Variants in PELI3 observed in about 807,000 individuals in gnomAD.
PELI3 encodes the protein E3 ubiquitin-protein ligase pellino homolog 3.
PELI3 carries 19 observed loss-of-function variants against 35.5 expected under a neutral mutation model. That is an observed-to-expected ratio of 0.54 (90% CI 0.37 to 0.79). The LOEUF (loss-of-function observed/expected upper bound fraction) is 0.79, where lower values mean the gene tolerates loss of function less well. PELI3 is among the 30% of genes least tolerant of loss of function. PELI3 has a pLI of 0.00. For missense variants in PELI3, 490 were observed against 661.2 expected (o/e 0.74, Z 2.84); for synonymous variants, 262 against 279.2 (o/e 0.94, Z 0.62).
Position 66,475,867 on chromosome 11 carries a change from C to T in PELI3, c.1110C>T (p.Gly370=). The T allele has an allele frequency of 1.2e-6, 2 of 1,606,420 alleles. No homozygotes were observed. Among genetic ancestry groups the T allele is most frequent in the Non-Finnish European group, 1.7e-6 (2 of 1,177,514 alleles). Residue 370 remains glycine (G), a synonymous_variant, in exon 8 of 8, where the codon GGC becomes GGT. Coordinates refer to ENST00000320740, the MANE Select transcript of PELI3 (RefSeq NM_145065.3). ...VRCGHVHGYH[G]WGCRRERGPQ... is the part of the protein sequence containing the mutation. ...GCGGGCACGTCCATGGCTACCACGGCTGGGGCTGCCGGCGGGAGCGGGGCC... is the reference window on the plus strand; with the variant it reads ...GCGGGCACGTCCATGGCTACCACGGTTGGGGCTGCCGGCGGGAGCGGGGCC...
chr11:66,476,143 C>T lies in PELI3; in HGVS notation c.1386C>T (p.Leu462=). Residue 462 remains leucine (L), a synonymous_variant, in exon 8 of 8, where the codon CTC becomes CTT. Coordinates refer to ENST00000320740, the MANE Select transcript of PELI3 (RefSeq NM_145065.3). ...WLTGEHGCVR[L]IFQGPLD ...CCGGCGAGCATGGCTGCGTCCGCCT[C>T]ATTTTCCAGGGCCCGCTGGATTAGG... is the stretch of plus-strand genomic sequence containing the variant. 6.4e-7 allele frequency: 1 copy of T among 1,565,002 alleles called. No homozygotes were observed. The highest frequency in any genetic ancestry group is 8.6e-7 in the Non-Finnish European group (1 of 1,161,054).
At chr11:66,472,745 A>G (rs911496561) in intron 5 of PELI3, among the ~76,000 whole-genome samples, 1 of 152,300 alleles carries the variant, frequency 6.6e-6, no homozygotes, top group South Asian at 2.1e-4. Flanking sequence ...TTTTGGCTCC[A>G]TCACTTACCA....
intron 7 of PELI3, 72 bp from the exon 8 acceptor site, chr11:66,475,526 G>A: frequency 6.5e-7 from 1 of 1,530,332 alleles, no homozygotes; most frequent in Admixed American, 1.9e-5. Context: ...TCTCCAGGGA[G>A]GCTCTGTGGG....
chr11:66,469,040 G>A (rs756412208), intron 3 of PELI3, 136 bp downstream of exon 3: 161 of 540,230 alleles, frequency 3.0e-4, no homozygotes, highest in Non-Finnish European at 4.7e-4. Flanking sequence ...GTGATCTGGC[G>A]GCCTGGCCAA....
upstream of PELI3, chr11:66,466,761 G>C (rs1336718882): frequency 1.3e-5 from 2 of 151,774 alleles, no homozygotes; most frequent in African/African-American, 4.8e-5. Flanking sequence ...GCGGAGCTCC[G>C]CCTACGAAGG....
At position 66,476,065 on chromosome 11, in the gene PELI3, C is replaced by A. The variant is rs749185847; in HGVS notation, c.1308C>A (p.Pro436=). The change falls in exon 8 of 8, where the codon CCC becomes CCA. Residue 436 remains proline (P), a synonymous_variant. Coordinates refer to ENST00000320740, the MANE Select transcript of PELI3 (RefSeq NM_145065.3). ...GCTACTGGGCCCAGACACCACTGCC[C>A]CACGGCACCCATGCTTTCCATGCCG... ...TARYWAQTPL[P]HGTHAFHAAC... 1.2e-6 allele frequency: 2 copies of A among 1,609,814 alleles called. No homozygotes were observed. The highest frequency in any genetic ancestry group is 1.7e-6 in the Non-Finnish European group (2 of 1,179,376).
intron 7 of PELI3, chr11:66,474,435 T>G: frequency 3.5e-6 from 1 of 287,942 alleles, no homozygotes; most frequent in Non-Finnish European, 6.5e-6. Flanking sequence ...GAGCTGAGGT[T>G]AGGGACCGGG....
At chr11:66,466,876 G>C (rs1854544102), upstream of PELI3, 2 of 151,940 alleles carry the variant, frequency 1.3e-5, no homozygotes, top group African/African-American at 4.8e-5. Context: ...GTGGCTGTTC[G>C]CGCTCATCCC....
Position 66,470,843 on chromosome 11 carries a change from T to TA in PELI3, c.225-398dup, listed in dbSNP as rs1181239332. Among the ~76,000 whole-genome samples the TA allele has an allele frequency of 6.6e-5, 10 of 152,324 alleles. No individual in the cohort carries two copies. The East Asian group carries it at 1.9e-3, about 29-fold the overall frequency. On this transcript the variant is annotated intron_variant, in intron 3 of 7. Transcript: ENST00000320740. ...GAATTCCCTTTTCTTCCTCTAGGCT[T>TA]ATGGCATCCTTGGCTTGTGCCTGGG...
rs758268568 is a variant in PELI3 at position 66,471,326 on chromosome 11, G to A, written c.309G>A (p.Val103=). 2 of 1,614,046 alleles carry A rather than the reference G, an allele frequency of 1.2e-6. No individual in the cohort carries two copies. Among genetic ancestry groups the A allele is most frequent in the Non-Finnish European group, 1.7e-6 (2 of 1,179,996 alleles). Residue 103 remains valine (V), a synonymous_variant, in exon 4 of 8, where the codon GTG becomes GTA. Transcript: ENST00000320740. ...ALSRRSHANG[V]KPDVMHHIST... ...GCCGCCGGTCGCACGCCAACGGGGT[G>A]AAGCCAGACGTCATGCACCACATCT...
chr11:66,472,359 TC>T lies in PELI3; in HGVS notation c.355-6del. ...CACACCCTGGCAAGTGACTTTTTTC[TC>T]CCCACCAGGCACTGAGTAACCGTGG... On this transcript the variant is annotated splice_polypyrimidine_tract_variant and intron_variant, in intron 4 of 7. Transcript: ENST00000320740. 1 of 1,611,894 alleles carries T rather than the reference TC, an allele frequency of 6.2e-7. No homozygotes were observed. Among genetic ancestry groups the T allele is most frequent in the South Asian group, 1.1e-5 (1 of 91,002 alleles).
chr11:66,468,377 C>A, intron 2 of PELI3, 97 bp downstream of exon 2: 1 of 1,234,334 alleles, frequency 8.1e-7, no homozygotes, highest in Non-Finnish European at 1.1e-6. Flanking sequence ...ATAGGGCCTT[C>A]AGCTGTTTGT....
chr11:66,467,983 A>T lies in PELI3; in HGVS notation c.-1-145A>T. On this transcript the variant is annotated intron_variant, in intron 1 of 7. Coordinates refer to ENST00000320740, the MANE Select transcript of PELI3 (RefSeq NM_145065.3). This position sits in a 1 kb window ranked among gnomAD's most constrained non-coding sequence, Gnocchi z 4.2. Reference sequence around the variant, plus strand: ...CAACCTCGGGCAGTTTAGAGGAGGCAGAGGGGAAGTGGTTGCCATAGCAGT... The same window carrying T: ...CAACCTCGGGCAGTTTAGAGGAGGCTGAGGGGAAGTGGTTGCCATAGCAGT... 1 of 998,542 alleles carries T rather than the reference A, an allele frequency of 1.0e-6. No individual in the cohort carries two copies. Among genetic ancestry groups the T allele is most frequent in the Non-Finnish European group, 1.4e-6 (1 of 723,032 alleles). 61.9% of individuals were successfully genotyped at this position (998,542 alleles called of 1,614,324 possible).
chr11:66,473,273 C>G lies in PELI3; in HGVS notation c.489C>G (p.Phe163Leu), dbSNP rs754503996. ...GCTCCACAGAGAACATGATTGACTT[C>G]GTGGTAACAGACACGTCCCCTGGAG... ...IGRSTENMID[F>L]VVTDTSPGGG... Residue 163 changes from phenylalanine to leucine, a missense_variant, in exon 6 of 8, where the codon TTC becomes TTG. Coordinates refer to ENST00000320740, the MANE Select transcript of PELI3 (RefSeq NM_145065.3). The surrounding 1 kb of genome is among the most constrained non-coding windows in gnomAD (Gnocchi z 5.8). 8 of 1,612,876 alleles carry G rather than the reference C, an allele frequency of 5.0e-6. No homozygotes were observed. The Admixed American group carries it at 1.2e-4, about 24-fold the overall frequency.
intron 2 of PELI3, among the ~76,000 whole-genome samples, chr11:66,468,587 T>G (rs558838725): frequency 1.3e-5 from 2 of 152,312 alleles, no homozygotes; most frequent in African/African-American, 4.8e-5. Flanking sequence ...GAACTCTGGT[T>G]CTCCAGCAAA....
At chr11:66,475,536 G>T (rs1854876014) in intron 7 of PELI3, 62 bp from the exon 8 acceptor site, 1 of 1,567,008 alleles carries the variant, frequency 6.4e-7, no homozygotes, top group Non-Finnish European at 8.7e-7. Flanking sequence ...GGCTCTGTGG[G>T]ATGGACCCGC....
In PELI3 at chr11:66,469,268, T is replaced by C. The variant is rs1164219730; in HGVS notation, c.224+364T>C. On this transcript the variant is annotated intron_variant, in intron 3 of 7. Transcript: ENST00000320740. ...CATGCTTTAAAAAAAAAAAAAGCAG[T>C]AATAGTGAACACTTATCAAGGGCTT... is the stretch of plus-strand genomic sequence containing the variant. Among the ~76,000 whole-genome samples, 4 of 149,334 alleles carry C rather than the reference T, an allele frequency of 2.7e-5. No individual in the cohort carries two copies. In the East Asian group the frequency reaches 7.8e-4, roughly 29 times the overall value.
rs768507607 is a variant in PELI3, at chr11:66,468,912, G to C, written c.224+8G>C. On this transcript the variant is annotated splice_region_variant and intron_variant, in intron 3 of 7. Coordinates refer to ENST00000320740, the MANE Select transcript of PELI3 (RefSeq NM_145065.3). ...CCCAAGGGCACACAGCTGGTAAGTG[G>C]CAGGGCTGGGATTTGGACCCAGGTC... 2.6e-6 allele frequency: 2 copies of C among 757,796 alleles called. No homozygotes were observed. Among genetic ancestry groups the C allele is most frequent in the Non-Finnish European group, 4.9e-6 (2 of 405,762 alleles). 46.9% of individuals were successfully genotyped at this position (757,796 alleles called of 1,614,324 possible).
chr11:66,470,272 C>T (rs916093628), intron 3 of PELI3, among the ~76,000 whole-genome samples: 2 of 152,168 alleles, frequency 1.3e-5, no homozygotes, highest in African/African-American at 2.4e-5. Flanking sequence ...GTCATCTCCC[C>T]CACATACTTC....
Sources: allele counts gnomAD v4.1 joint callset (sites outside exome capture counted in the v4.1 genomes callset), GRCh38; gene constraint gnomAD v4.1.1; non-coding constraint Gnocchi (gnomAD v3.1); transcripts MANE v1.5; gene names NCBI Gene and HGNC (gene_info 2026-07-23, HGNC 2026-07-21).